GNG12: variants seen among roughly 807,000 people sequenced by gnomAD.
GNG12 encodes the protein G protein subunit gamma 12, also known as guanine nucleotide-binding protein G(I)/G(S)/G(O) subunit gamma-12.
For missense variants in GNG12, 69 were observed against 83.8 expected (o/e 0.82, Z 0.69); for synonymous variants, 28 against 29.7 (o/e 0.94, Z 0.19).
At chr1:67,726,590 T>C (rs1032883483) in intron 2 of GNG12, among the ~76,000 whole-genome samples, 2 of 152,236 alleles carry the variant, frequency 1.3e-5, no homozygotes, top group African/African-American at 4.8e-5. Flanking sequence ...AATGAGATGA[T>C]GTCACATTAC....
intron 2 of GNG12, among the ~76,000 whole-genome samples, chr1:67,717,234 G>C (rs765765809): frequency 6.6e-6 from 1 of 152,002 alleles, no homozygotes; most frequent in East Asian, 1.9e-4. Context: ...GACACTACTC[G>C]GCCGGGTATG....
intron 2 of GNG12, among the ~76,000 whole-genome samples, chr1:67,719,451 G>A (rs758317095): frequency 3.3e-5 from 5 of 152,268 alleles, no homozygotes; most frequent in Admixed American, 1.3e-4. Context: ...AAAATCTGGT[G>A]TGTGTGCTTA....
At chr1:67,776,764 TA>T (rs1237038088) in intron 2 of GNG12, among the ~76,000 whole-genome samples, 2 of 152,056 alleles carry the variant, frequency 1.3e-5, no homozygotes, top group Non-Finnish European at 2.9e-5. Context: ...GCAAGATAAA[TA>T]AAGGATTGTT....
At chr1:67,772,540 A>G (rs1011554521) in intron 2 of GNG12, 1 of 152,178 alleles carries the variant, frequency 6.6e-6, no homozygotes, top group Non-Finnish European at 1.5e-5. Context: ...TTCTGGTACC[A>G]ACACCTCTCC....
intron 2 of GNG12, among the ~76,000 whole-genome samples, chr1:67,766,149 C>CACACACACACACACACACACACACA (rs1646637796): frequency 1.5e-5 from 2 of 137,788 alleles, no homozygotes; most frequent in African/African-American, 5.5e-5. Flanking sequence ...CACACACACA[C>CACACACACACACACACACACACACA]CCCTAAACAA....
In GNG12 at chr1:67,704,227, G is replaced by T. The variant is rs1349944962; in HGVS notation, c.*1224C>A. On this transcript the variant is annotated 3_prime_UTR_variant, in exon 4 of 4. Transcript: ENST00000370982. ...ACCACTGAATCCAAGGCTCTCTTGG[G>T]TAGCCTATGTGCCTCTTGGATGGTA... is the stretch of plus-strand genomic sequence containing the variant. 3.3e-5 allele frequency: 5 copies of T among 152,232 alleles called. No individual in the cohort carries two copies. In the East Asian group the frequency reaches 9.6e-4, roughly 29 times the overall value. 9.4% of individuals were successfully genotyped at this position (152,232 alleles called of 1,614,324 possible). A position where few individuals can be genotyped will look rare whatever the true frequency, so the allele number is the denominator to read the frequency against.
chr1:67,706,094 TGCAA>T (rs1295140069), intron 3 of GNG12, among the ~76,000 whole-genome samples: 25 of 152,314 alleles, frequency 1.6e-4, no homozygotes, highest in African/African-American at 6.0e-4. Context: ...AGAGAGACAG[TGCAA>T]GCAAGTACAT....
intron 1 of GNG12, among the ~76,000 whole-genome samples, chr1:67,807,440 T>TA (rs1407664478): frequency 2.8e-5 from 4 of 144,160 alleles, no homozygotes; most frequent in African/African-American, 1.0e-4. Context: ...AAAAATAAAA[T>TA]AAAAAAATTC....
At chr1:67,818,214 T>C (rs1235389350) in intron 1 of GNG12, among the ~76,000 whole-genome samples, 1 of 152,188 alleles carries the variant, frequency 6.6e-6, no homozygotes, top group Admixed American at 6.6e-5. Context: ...TATTCATCCT[T>C]ATGTCCCCAG....
intron 2 of GNG12, among the ~76,000 whole-genome samples, chr1:67,758,236 A>C (rs773555347): frequency 6.6e-6 from 1 of 152,154 alleles, no homozygotes; most frequent in African/African-American, 2.4e-5. Flanking sequence ...GGCTTCCCAA[A>C]GTATTGGGAT....
At position 67,743,575 on chromosome 1, in the gene GNG12, C is replaced by T. The variant is rs1646494103; in HGVS notation, c.-27+33883G>A. The stretch of plus-strand genomic sequence containing the variant: ...TACAGGGATTTTGCAAAGTAAGACC[C>T]AGGGAAACAAGACAGTTTGGGTTTA... On this transcript the variant is annotated intron_variant, in intron 2 of 3. Transcript: ENST00000370982. Among the ~76,000 whole-genome samples, 3 of 152,130 alleles carry T rather than the reference C, an allele frequency of 2.0e-5. No individual in the cohort carries two copies. In the South Asian group the frequency reaches 6.2e-4, roughly 31 times the overall value.
chr1:67,814,452 A>C (rs1646942792), intron 1 of GNG12, among the ~76,000 whole-genome samples: 1 of 152,234 alleles, frequency 6.6e-6, no homozygotes, highest in Non-Finnish European at 1.5e-5. Flanking sequence ...TTGCTTAACA[A>C]GGGTGGGTCA....
intron 1 of GNG12, among the ~76,000 whole-genome samples, chr1:67,796,629 T>C (rs1448849831): frequency 4.6e-5 from 7 of 152,164 alleles, no homozygotes; most frequent in Non-Finnish European, 7.3e-5. Flanking sequence ...GTAACTCTCA[T>C]GTCCACATTA....
chr1:67,719,362 TCAA>T lies in GNG12; in HGVS notation c.-26-11653_-26-11651del, dbSNP rs1356031277. Among the ~76,000 whole-genome samples the T allele has an allele frequency of 5.8e-4, 89 of 152,340 alleles. 1 individual carries two copies. The South Asian group carries it at 0.018, about 30-fold the overall frequency. On this transcript the variant is annotated intron_variant, in intron 2 of 3. Transcript: ENST00000370982. ...TGCTACATGCTTACATCTTATGGGT[TCAA>T]GGATTCCTGAGGGTGGGTCATGAAT...
intron 2 of GNG12, among the ~76,000 whole-genome samples, chr1:67,752,013 T>C (rs1646541555): frequency 6.6e-6 from 1 of 152,218 alleles, no homozygotes; most frequent in African/African-American, 2.4e-5. Flanking sequence ...CAAGAGTTAT[T>C]ACCAAGACAT....
chr1:67,772,558 T>A (rs1468490860), intron 2 of GNG12: 1 of 152,200 alleles, frequency 6.6e-6, no homozygotes, highest in Non-Finnish European at 1.5e-5. Flanking sequence ...TCCTTTTTAT[T>A]ATTTTTTCAT....
chr1:67,802,060 G>A (rs999173059), intron 1 of GNG12, among the ~76,000 whole-genome samples: 2 of 152,004 alleles, frequency 1.3e-5, no homozygotes, highest in Non-Finnish European at 2.9e-5. Flanking sequence ...CAGAGGGAGA[G>A]CAAATCTATA....
chr1:67,719,118 C>G (rs191409291), intron 2 of GNG12, among the ~76,000 whole-genome samples: 28 of 152,266 alleles, frequency 1.8e-4, no homozygotes, highest in Middle Eastern at 3.4e-3. Flanking sequence ...ACCTCTATTG[C>G]TATACTGTCA....
intron 1 of GNG12, among the ~76,000 whole-genome samples, chr1:67,797,336 A>C (rs1646837715): frequency 6.6e-6 from 1 of 152,196 alleles, no homozygotes; most frequent in Non-Finnish European, 1.5e-5. Flanking sequence ...CAGGTTCTTG[A>C]AAGGCAGAGA....
Sources: gnomAD v4.1 joint callset for allele counts (sites outside exome capture counted in the v4.1 genomes callset) on GRCh38, gnomAD v4.1.1 for gene constraint, MANE v1.5 for transcripts, NCBI Gene and HGNC (gene_info 2026-07-23, HGNC 2026-07-21) for gene names.